PGBD2: variants seen among roughly 807,000 people sequenced by gnomAD.
PGBD2 encodes the protein piggyBac transposable element-derived protein 2.
In PGBD2, 6 loss-of-function variants were observed where a neutral mutation model predicts 8.1. That is an observed-to-expected ratio of 0.74 (90% confidence interval 0.40 to 1.46). The LOEUF is 1.46. PGBD2 is among the 40% of genes most tolerant of loss of function. PGBD2 has a pLI of 0.02. For missense variants in PGBD2, 802 were observed against 739.0 expected, an observed-to-expected ratio of 1.09 and a Z score of -0.99; for synonymous variants, 318 against 272.2, an observed-to-expected ratio of 1.17 and a Z score of -1.66.
chr1:248,890,985 A>C, the PGBD2 span, among the ~76,000 whole-genome samples: 2 of 151,798 alleles, frequency 1.3e-5, no homozygotes, highest in Non-Finnish European at 2.9e-5. Flanking sequence ...CACACATCAC[A>C]GACACACACA....
At chr1:248,916,454 T>G in intron 2 of PGBD2, 148 bp from the exon 3 acceptor site, 1 of 657,554 alleles carries the variant, frequency 1.5e-6, no homozygotes, top group Non-Finnish European at 2.6e-6. Context: ...GCTGGAAAAT[T>G]TACTTACTAA....
downstream of PGBD2, among the ~76,000 whole-genome samples, chr1:248,924,706 G>A (rs1662350015): frequency 6.6e-6 from 1 of 152,208 alleles, no homozygotes; most frequent in Non-Finnish European, 1.5e-5. Context: ...GACACATTTT[G>A]TTTCTGTCTC....
At chr1:248,872,980 C>CACT in the PGBD2 span, among the ~76,000 whole-genome samples, 3 of 151,956 alleles carry the variant, frequency 2.0e-5, no homozygotes, top group Non-Finnish European at 4.4e-5. Flanking sequence ...ACTTCTCCAC[C>CACT]ACTTCATTGC....
chr1:248,906,941 C>A (rs533625926), intron 1 of PGBD2, among the ~76,000 whole-genome samples: 1 of 152,012 alleles, frequency 6.6e-6, no homozygotes, highest in Non-Finnish European at 1.5e-5. Flanking sequence ...CCTTCCACAC[C>A]TGTGGGATAT....
chr1:248,909,866 GAGGC>G (rs1661803355), intron 1 of PGBD2, among the ~76,000 whole-genome samples: 1 of 152,210 alleles, frequency 6.6e-6, no homozygotes, highest in Admixed American at 6.5e-5. Flanking sequence ...TCTGAACCTA[GAGGC>G]AGAACTGGGT....
chr1:248,908,685 T>TA (rs1491451397), intron 1 of PGBD2, among the ~76,000 whole-genome samples: 1 of 20,520 alleles, frequency 4.9e-5, no homozygotes, highest in Non-Finnish European at 1.1e-4. Context: ...TCTTCCTGTA[T>TA]TTTTTTTTTT....
chr1:248,889,125 G>T, the PGBD2 span, among the ~76,000 whole-genome samples: 1 of 152,126 alleles, frequency 6.6e-6, no homozygotes. Flanking sequence ...TGTGGCTCAC[G>T]CCTGTAATCA....
chr1:248,880,369 G>C, the PGBD2 span, among the ~76,000 whole-genome samples: 1 of 152,356 alleles, frequency 6.6e-6, no homozygotes, highest in South Asian at 2.1e-4. Context: ...CAGATGCTTA[G>C]TGGTTAGGGC....
chr1:248,907,643 T>C (rs183559285), intron 1 of PGBD2, among the ~76,000 whole-genome samples: 5 of 152,168 alleles, frequency 3.3e-5, no homozygotes, highest in South Asian at 2.1e-4. Flanking sequence ...TAGAGAATGG[T>C]GATGACTTTT....
rs1284438747 is a variant in PGBD2 at position 248,917,176 on chromosome 1, A to C, written c.592A>C (p.Arg198=). 3 of 1,614,056 alleles carry C rather than the reference A, an allele frequency of 1.9e-6. No homozygotes were observed. In the African/African-American group the frequency reaches 4.0e-5, roughly 22 times the overall value. Reference sequence around the variant, plus strand: ...TGGGTACATCTCTTATCCAAGGAGAAGGATGTTCTGGGAAACCTCTCCCGA... The same window carrying C: ...TGGGTACATCTCTTATCCAAGGAGACGGATGTTCTGGGAAACCTCTCCCGA... ...LSGYISYPRR[R]MFWETSPDSH... is the part of the protein sequence containing the mutation. The change falls in exon 3 of 3, where the codon AGG becomes CGG. Residue 198 remains arginine (R), a synonymous_variant. Coordinates refer to ENST00000329291, the MANE Select transcript of PGBD2 (RefSeq NM_170725.3).
chr1:248,901,755 T>G (rs538297609), upstream of PGBD2, among the ~76,000 whole-genome samples: 1 of 152,000 alleles, frequency 6.6e-6, no homozygotes, highest in Admixed American at 6.5e-5. Flanking sequence ...CTAATTAAAC[T>G]AAAAAGCTTC....
intron 1 of PGBD2, among the ~76,000 whole-genome samples, chr1:248,909,461 A>G (rs1661784933): frequency 6.6e-6 from 1 of 152,152 alleles, no homozygotes; most frequent in South Asian, 2.1e-4. Context: ...AAAGCCAAAT[A>G]GTAAAGATGA....
the PGBD2 span, among the ~76,000 whole-genome samples, chr1:248,929,068 T>C: frequency 2.0e-5 from 3 of 152,210 alleles, no homozygotes; most frequent in South Asian, 2.1e-4. Context: ...TAAGTATTTG[T>C]TTTATTTGGA....
the PGBD2 span, among the ~76,000 whole-genome samples, chr1:248,881,100 C>T: frequency 3.9e-5 from 6 of 152,160 alleles, no homozygotes; most frequent in African/African-American, 1.4e-4. Context: ...AGAGCCCAAA[C>T]ATCCCGTGGA....
At chr1:248,891,143 T>C in the PGBD2 span, among the ~76,000 whole-genome samples, 3 of 152,258 alleles carry the variant, frequency 2.0e-5, no homozygotes, top group South Asian at 6.2e-4. Context: ...AATGTGTCTC[T>C]GTCAGATGTG....
At chr1:248,915,005 T>C (rs1036124349) in intron 2 of PGBD2, among the ~76,000 whole-genome samples, 2 of 152,256 alleles carry the variant, frequency 1.3e-5, no homozygotes, top group South Asian at 2.1e-4. Context: ...TGTAGGGCTC[T>C]TTCTCTCACC....
chr1:248,888,649 G>A, the PGBD2 span, among the ~76,000 whole-genome samples: 1 of 152,146 alleles, frequency 6.6e-6, no homozygotes, highest in Non-Finnish European at 1.5e-5. Flanking sequence ...ACCTTTGTCA[G>A]ATGTATAATT....
chr1:248,898,153 T>G, the PGBD2 span, among the ~76,000 whole-genome samples: 1 of 152,210 alleles, frequency 6.6e-6, no homozygotes, highest in Non-Finnish European at 1.5e-5. Flanking sequence ...CTTTCCCGCC[T>G]GCTGGCTTTG....
chr1:248,888,353 C>G, the PGBD2 span, among the ~76,000 whole-genome samples: 1 of 152,208 alleles, frequency 6.6e-6, no homozygotes, highest in African/African-American at 2.4e-5. Flanking sequence ...AGGGGCTGAA[C>G]TAATTTACAT....
Sources: allele counts gnomAD v4.1 joint callset (sites outside exome capture counted in the v4.1 genomes callset), GRCh38; gene constraint gnomAD v4.1.1; transcripts MANE v1.5; gene names NCBI Gene and HGNC (gene_info 2026-07-23, HGNC 2026-07-21).